Variants in CDH22 observed in about 807,000 individuals in gnomAD.
The protein encoded by CDH22 is cadherin-22.
CDH22 carries 30 observed loss-of-function variants against 58.4 expected under a neutral mutation model. The observed-to-expected ratio is 0.51, with a 90% confidence interval of 0.38 to 0.70. The LOEUF is 0.70. Among genes scored for constraint, CDH22 ranks in the 30% least tolerant of loss-of-function variants. The pLI is 0.00. For missense variants in CDH22, 1,014 were observed against 1,233.9 expected, an observed-to-expected ratio of 0.82 and a Z score of 2.67; for synonymous variants, 513 against 558.2, an observed-to-expected ratio of 0.92 and a Z score of 1.14.
At chr20:46,301,001 G>A (rs2086648904) in intron 1 of CDH22, among the ~76,000 whole-genome samples, 1 of 152,114 alleles carries the variant, frequency 6.6e-6, no homozygotes, top group African/African-American at 2.4e-5. Context: ...GAAATGGCAA[G>A]ACATTCACAA....
intron 4 of CDH22, among the ~76,000 whole-genome samples, chr20:46,221,274 T>A (rs868867167): frequency 9.7e-6 from 1 of 103,350 alleles, no homozygotes; most frequent in East Asian, 2.6e-4. Context: ...TTGGGTTTTT[T>A]TTTTTCTTTT....
intron 7 of CDH22, among the ~76,000 whole-genome samples, chr20:46,201,802 G>A (rs1018825887): frequency 5.3e-5 from 8 of 152,076 alleles, no homozygotes; most frequent in Admixed American, 3.3e-4. Flanking sequence ...CTTGAGTCCC[G>A]CTAGCCTGGG....
chr20:46,178,883 G>A (rs1410040508), intron 10 of CDH22, among the ~76,000 whole-genome samples: 2 of 152,110 alleles, frequency 1.3e-5, no homozygotes, highest in Non-Finnish European at 2.9e-5. Flanking sequence ...CGTGGTGAGG[G>A]GCCTGATGAG....
At chr20:46,231,628 A>G (rs890380635) in intron 3 of CDH22, among the ~76,000 whole-genome samples, 50 of 152,262 alleles carry the variant, frequency 3.3e-4, no homozygotes, top group African/African-American at 1.1e-3. Context: ...TCCTGGACTC[A>G]TTGAGCCTGT....
intron 8 of CDH22, among the ~76,000 whole-genome samples, chr20:46,196,981 A>AG (rs571537369): frequency 1.1e-4 from 16 of 152,076 alleles, no homozygotes; most frequent in Non-Finnish European, 2.4e-4. Context: ...AGCTCAGAGA[A>AG]GGGGGGTCTC....
intron 1 of CDH22, among the ~76,000 whole-genome samples, chr20:46,288,867 A>G (rs1019950307): frequency 3.9e-5 from 6 of 152,206 alleles, no homozygotes; most frequent in African/African-American, 1.4e-4. Flanking sequence ...GATGATTGCA[A>G]CAGCCTCCTA....
chr20:46,209,284 T>A (rs2086022291), intron 7 of CDH22, among the ~76,000 whole-genome samples: 1 of 152,174 alleles, frequency 6.6e-6, no homozygotes, highest in South Asian at 2.1e-4. Flanking sequence ...GGATCCGCTG[T>A]AGCACAGGCC....
At chr20:46,294,401 G>C (rs990309975) in intron 1 of CDH22, among the ~76,000 whole-genome samples, 56 of 152,310 alleles carry the variant, frequency 3.7e-4, no homozygotes, top group African/African-American at 1.3e-3. Context: ...GGAAGGGGCT[G>C]GGGCCTCAGA....
chr20:46,251,348 G>T lies in CDH22; in HGVS notation c.-54C>A. 1 of 1,403,152 alleles carries T rather than the reference G, an allele frequency of 7.1e-7. No individual in the cohort carries two copies. The highest frequency in any genetic ancestry group is 1.5e-5 in the African/African-American group (1 of 65,542). The allele number at this position is 1,403,152 out of a possible 1,614,324, so 86.9% of individuals were successfully genotyped here. On this transcript the variant is annotated 5_prime_UTR_variant, in exon 2 of 12. Transcript: ENST00000537909. This position sits in a 1 kb window ranked among gnomAD's most constrained non-coding sequence, Gnocchi z 6.7. ...GAGCATGGACGAGAGGCACCAGGGCGCCGCTGCTTGGTCGCACAACGATGC... is the reference window on the plus strand; with the variant it reads ...GAGCATGGACGAGAGGCACCAGGGCTCCGCTGCTTGGTCGCACAACGATGC...
chr20:46,277,680 C>A (rs1166761589), intron 1 of CDH22, among the ~76,000 whole-genome samples: 4 of 151,838 alleles, frequency 2.6e-5, no homozygotes, highest in Non-Finnish European at 5.9e-5. Flanking sequence ...CCCCACTGGT[C>A]CAGTGCTGAT....
chr20:46,191,242 G>T (rs2085860154), intron 8 of CDH22, among the ~76,000 whole-genome samples: 1 of 152,158 alleles, frequency 6.6e-6, no homozygotes, highest in Admixed American at 6.5e-5. Flanking sequence ...TGACTGGGAA[G>T]TAATTGTATG....
chr20:46,273,449 A>G (rs550257087), intron 1 of CDH22, among the ~76,000 whole-genome samples: 1 of 152,342 alleles, frequency 6.6e-6, no homozygotes, highest in African/African-American at 2.4e-5. Context: ...AAACACAGAA[A>G]TGGCTAATCC....
At chr20:46,203,153 G>A (rs1052258945) in intron 7 of CDH22, among the ~76,000 whole-genome samples, 7 of 152,286 alleles carry the variant, frequency 4.6e-5, no homozygotes, top group Admixed American at 1.3e-4. Context: ...CGGGGGCAGC[G>A]GGGACCCGCC....
At chr20:46,197,495 A>G (rs1015636541) in intron 8 of CDH22, among the ~76,000 whole-genome samples, 1 of 152,162 alleles carries the variant, frequency 6.6e-6, no homozygotes, top group Non-Finnish European at 1.5e-5. Context: ...GTGGTGGGAC[A>G]CTGGGCCGGT....
rs142750630 is a variant in CDH22 at position 46,294,002 on chromosome 20, G to A, written c.-400+14253C>T. Among the ~76,000 whole-genome samples, 716 of 152,258 alleles carry A rather than the reference G, an allele frequency of 4.7e-3. 5 individuals carry two copies. The highest frequency in any genetic ancestry group is 0.016 in the African/African-American group (685 of 41,544). On this transcript the variant is annotated intron_variant, in intron 1 of 11. Transcript: ENST00000537909. The stretch of plus-strand genomic sequence containing the variant: ...TGCACTCCAGCCTGGGCGACAGAGC[G>A]AGGCTCCATCTCAAAACAAAAAAAC...
At chr20:46,264,974 C>A (rs1378914294) in intron 1 of CDH22, among the ~76,000 whole-genome samples, 1 of 152,196 alleles carries the variant, frequency 6.6e-6, no homozygotes, top group Non-Finnish European at 1.5e-5. Context: ...CCAGGGGCAA[C>A]CTGTTAGAAC....
chr20:46,306,329 GTTGCCAA>G (rs745799487), intron 1 of CDH22, among the ~76,000 whole-genome samples: 8 of 152,254 alleles, frequency 5.3e-5, no homozygotes, highest in Non-Finnish European at 4.4e-5. Flanking sequence ...TCGGGCTGCT[GTTGCCAA>G]TCCTTGAAAA....
chr20:46,190,381 G>C (rs562706289), intron 8 of CDH22, among the ~76,000 whole-genome samples: 1 of 152,132 alleles, frequency 6.6e-6, no homozygotes, highest in Non-Finnish European at 1.5e-5. Context: ...CAAGTTCAGC[G>C]CTTGGTCCTG....
At chr20:46,231,012 G>C (rs1229479181) in intron 3 of CDH22, among the ~76,000 whole-genome samples, 2 of 152,168 alleles carry the variant, frequency 1.3e-5, no homozygotes, top group Non-Finnish European at 2.9e-5. Flanking sequence ...GGAGGACTCA[G>C]ACACAGGAGC....
Sources: gnomAD v4.1 joint callset for allele counts (sites outside exome capture counted in the v4.1 genomes callset) on GRCh38, gnomAD v4.1.1 for gene constraint, Gnocchi (gnomAD v3.1) non-coding constraint, MANE v1.5 for transcripts, NCBI Gene and HGNC (gene_info 2026-07-23, HGNC 2026-07-21) for gene names.